PFKFB3: variants seen among roughly 807,000 people sequenced by gnomAD.
PFKFB3 encodes 6-phosphofructo-2-kinase/fructose-2,6-biphosphatase 3, also known as 6-phosphofructo-2-kinase/fructose-2,6-bisphosphatase 3.
In PFKFB3, 33 loss-of-function variants were observed where a neutral mutation model predicts 68.0. The observed-to-expected ratio is 0.49, with a 90% CI of 0.37 to 0.65. PFKFB3 has a LOEUF of 0.65. Among genes scored for constraint, PFKFB3 ranks in the 30% least tolerant of loss-of-function variants. The pLI is 0.00. For missense variants in PFKFB3, 586 were observed against 712.2 expected, an observed-to-expected ratio of 0.82 and a Z score of 2.02; for synonymous variants, 315 against 288.2, an observed-to-expected ratio of 1.09 and a Z score of -0.94.
chr10:6,230,337 A>G (rs1845658977), intron 14 of PFKFB3, among the ~76,000 whole-genome samples: 1 of 152,174 alleles, frequency 6.6e-6, no homozygotes, highest in Non-Finnish European at 1.5e-5. Context: ...GATGAAAGTC[A>G]GACCAAGCCA....
chr10:6,175,321 T>C (rs1290527003), intron 1 of PFKFB3, among the ~76,000 whole-genome samples: 1 of 152,200 alleles, frequency 6.6e-6, no homozygotes, highest in African/African-American at 2.4e-5. Flanking sequence ...CATGGCACTT[T>C]GGGGCACTTT....
the PFKFB3 span, among the ~76,000 whole-genome samples, chr10:6,271,300 A>C: frequency 1.3e-5 from 2 of 152,222 alleles, no homozygotes; most frequent in East Asian, 3.8e-4. Flanking sequence ...GTTACCTTTC[A>C]ATTTATGATT....
chr10:6,299,537 C>T, the PFKFB3 span, among the ~76,000 whole-genome samples: 2 of 152,182 alleles, frequency 1.3e-5, no homozygotes, highest in African/African-American at 2.4e-5. Flanking sequence ...ATTGATCTTT[C>T]GCAGGGATAT....
chr10:6,300,464 C>T, the PFKFB3 span, among the ~76,000 whole-genome samples: 1 of 152,182 alleles, frequency 6.6e-6, no homozygotes, highest in Non-Finnish European at 1.5e-5. Flanking sequence ...CCCATGCCCC[C>T]GGCAGCTCCC....
At chr10:6,303,818 A>G in the PFKFB3 span, among the ~76,000 whole-genome samples, 1 of 151,894 alleles carries the variant, frequency 6.6e-6, no homozygotes, top group African/African-American at 2.4e-5. Flanking sequence ...AAAAAAAAGA[A>G]AATGGAAAAA....
At chr10:6,325,240 AG>A in the PFKFB3 span, among the ~76,000 whole-genome samples, 1 of 152,352 alleles carries the variant, frequency 6.6e-6, no homozygotes, top group Non-Finnish European at 1.5e-5. Context: ...CTGAGATTAC[AG>A]GTGTGAACCA....
chr10:6,293,674 A>G, the PFKFB3 span: 1 of 276,526 alleles, frequency 3.6e-6, no homozygotes, highest in Admixed American at 3.7e-5. Flanking sequence ...GATAAAACCA[A>G]CATGTCCAGT....
intron 1 of PFKFB3, among the ~76,000 whole-genome samples, chr10:6,177,493 TTCTTTCTCTCTCTCGCTCTCTCTTTC>T (rs1842561375): frequency 6.7e-6 from 1 of 149,734 alleles, no homozygotes; most frequent in African/African-American, 2.5e-5. Flanking sequence ...TCTTTTTCTT[TTCTTTCTCTCTCTCGCTCTCTCTTTC>T]CTTTCTTTTT....
At chr10:6,169,880 C>T (rs1486146746) in intron 1 of PFKFB3, among the ~76,000 whole-genome samples, 2 of 152,182 alleles carry the variant, frequency 1.3e-5, no homozygotes, top group African/African-American at 4.8e-5. Flanking sequence ...TTTCCTTAAA[C>T]CTTTCCCAGG....
chr10:6,307,856 A>C, the PFKFB3 span, among the ~76,000 whole-genome samples: 2 of 152,158 alleles, frequency 1.3e-5, no homozygotes, highest in Non-Finnish European at 2.9e-5. Flanking sequence ...AGATGTGATT[A>C]GGTTATGAGG....
At chr10:6,312,204 G>A in the PFKFB3 span, among the ~76,000 whole-genome samples, 3 of 152,294 alleles carry the variant, frequency 2.0e-5, no homozygotes, top group East Asian at 3.9e-4. Context: ...GCTTCTGTGT[G>A]GAGGGCTGGA....
intron 1 of PFKFB3, among the ~76,000 whole-genome samples, chr10:6,177,408 C>CTTTCTTTCTTTCTTCT (rs1454122984): frequency 1.9e-5 from 1 of 52,544 alleles, no homozygotes; most frequent in Admixed American, 2.1e-4. Flanking sequence ...TTCTTTCTTT[C>CTTTCTTTCTTTCTTCT]TTCTTTCTCT....
upstream of PFKFB3, among the ~76,000 whole-genome samples, chr10:6,200,813 G>A (rs561387454): frequency 3.3e-5 from 5 of 152,226 alleles, no homozygotes; most frequent in Admixed American, 2.6e-4. Flanking sequence ...AAAAGTGCCC[G>A]GTCTGCGAAA....
At chr10:6,314,262 T>C in the PFKFB3 span, among the ~76,000 whole-genome samples, 1 of 152,324 alleles carries the variant, frequency 6.6e-6, no homozygotes, top group African/African-American at 2.4e-5. Context: ...CTAGGGTCTA[T>C]GGAAAATACC....
the PFKFB3 span, among the ~76,000 whole-genome samples, chr10:6,285,877 T>C: frequency 6.6e-6 from 1 of 152,126 alleles, no homozygotes; most frequent in Admixed American, 6.6e-5. Flanking sequence ...CATATTGTCA[T>C]ACCGAATTTT....
At chr10:6,200,122 T>A (rs1487027780), upstream of PFKFB3, among the ~76,000 whole-genome samples, 1 of 152,180 alleles carries the variant, frequency 6.6e-6, no homozygotes, top group Non-Finnish European at 1.5e-5. Context: ...ACTACTCTAA[T>A]CTCAACTCCC....
chr10:6,185,511 A>C (rs1322224420), intron 1 of PFKFB3, among the ~76,000 whole-genome samples: 2 of 151,918 alleles, frequency 1.3e-5, no homozygotes, highest in Non-Finnish European at 2.9e-5. Context: ...CCATCGGCTC[A>C]CCTCTGGTCT....
chr10:6,170,047 A>C (rs1842258715), intron 1 of PFKFB3, among the ~76,000 whole-genome samples: 1 of 152,112 alleles, frequency 6.6e-6, no homozygotes, highest in South Asian at 2.1e-4. Flanking sequence ...AATTTCTGGG[A>C]CTTCTGTTTG....
At chr10:6,243,710 G>A in intron 14 of PFKFB3, among the ~76,000 whole-genome samples, 1 of 152,188 alleles carries the variant, frequency 6.6e-6, no homozygotes, top group East Asian at 1.9e-4. Context: ...AGTGCAATGT[G>A]TCAGCTATTT....
Sources: gnomAD v4.1 joint callset for allele counts (sites outside exome capture counted in the v4.1 genomes callset) on GRCh38, gnomAD v4.1.1 for gene constraint, MANE v1.5 for transcripts, NCBI Gene and HGNC (gene_info 2026-07-23, HGNC 2026-07-21) for gene names.